The following VWC2 variants were observed in gnomAD, a reference collection of about 807,000 sequenced individuals.
VWC2 encodes the protein von Willebrand factor C domain containing 2.
A neutral mutation model predicts 29.8 loss-of-function variants in VWC2; 14 were observed. That is an observed-to-expected ratio of 0.47 (90% CI 0.31 to 0.74). The LOEUF is 0.74. VWC2 is among the 30% of genes least tolerant of loss of function. The pLI, the probability that VWC2 is intolerant of heterozygous loss-of-function variation, is 0.05. For missense variants in VWC2, 457 were observed against 459.8 expected (o/e 0.99, Z 0.05); for synonymous variants, 213 against 199.0 (o/e 1.07, Z -0.59).
At chr7:49,789,612 T>C (rs1338389936) in intron 2 of VWC2, among the ~76,000 whole-genome samples, 1 of 135,144 alleles carries the variant, frequency 7.4e-6, no homozygotes, top group African/African-American at 2.9e-5. Flanking sequence ...GAAGTAAAAA[T>C]TAAGCTCTCT....
chr7:49,882,613 A>G (rs1476497018), intron 3 of VWC2, among the ~76,000 whole-genome samples: 1 of 152,004 alleles, frequency 6.6e-6, no homozygotes, highest in African/African-American at 2.4e-5. Flanking sequence ...TGAGTACAGA[A>G]AGGAGGCAGG....
intron 2 of VWC2, among the ~76,000 whole-genome samples, chr7:49,792,934 C>T (rs1024909128): frequency 5.3e-5 from 8 of 152,302 alleles, no homozygotes; most frequent in African/African-American, 1.7e-4. Flanking sequence ...AAGTTTCCCA[C>T]GTCTCATGGC....
At chr7:49,864,931 T>C (rs905094367) in intron 3 of VWC2, among the ~76,000 whole-genome samples, 10 of 152,230 alleles carry the variant, frequency 6.6e-5, no homozygotes, top group African/African-American at 2.2e-4. Flanking sequence ...ACGTTTCTAA[T>C]GAAGCTGGTT....
Position 49,918,029 on chromosome 7 carries a change from C to T in VWC2, c.*5844C>T, listed in dbSNP as rs1302393156. On this transcript the variant is annotated 3_prime_UTR_variant, in exon 4 of 4. Transcript: ENST00000340652. ...TATGAAACTATTAATGTTCTTTATA[C>T]TACCAAGTAGTTTCATAGTTTTAAA... The T allele has an allele frequency of 6.6e-6, 1 of 152,138 alleles. No individual in the cohort carries two copies. Among genetic ancestry groups the T allele is most frequent in the African/African-American group, 2.4e-5 (1 of 41,442 alleles). The allele number at this position is 152,138 out of a possible 1,614,324, so 9.4% of individuals were successfully genotyped here.
intron 3 of VWC2, among the ~76,000 whole-genome samples, chr7:49,813,063 G>T (rs1319933424): frequency 1.3e-5 from 2 of 152,194 alleles, no homozygotes; most frequent in East Asian, 1.9e-4. Flanking sequence ...CACATGTCCC[G>T]CTCTCCTGTT....
chr7:49,830,149 T>C (rs1412343459), intron 3 of VWC2, among the ~76,000 whole-genome samples: 1 of 152,200 alleles, frequency 6.6e-6, no homozygotes, highest in Non-Finnish European at 1.5e-5. Context: ...ACTGTTCAGC[T>C]CTTCCCTGTG....
chr7:49,872,197 T>A (rs1253944280), intron 3 of VWC2, among the ~76,000 whole-genome samples: 1 of 152,074 alleles, frequency 6.6e-6, no homozygotes, highest in Non-Finnish European at 1.5e-5. Flanking sequence ...ATTGGTCACA[T>A]TTAAGGAGAG....
chr7:49,773,822 G>A lies in VWC2; in HGVS notation c.-395G>A, dbSNP rs931090423. On this transcript the variant is annotated 5_prime_UTR_variant, in exon 1 of 4. Transcript: ENST00000340652. ...TGGCCCCCGGGGCGCGCTTGGTCTC[G>A]GAGAAGCGGGGACGAGGCCGGAGGA... 3.3e-5 allele frequency: 5 copies of A among 152,400 alleles called. No individual in the cohort carries two copies. Among genetic ancestry groups the A allele is most frequent in the Non-Finnish European group, 5.9e-5 (4 of 68,262 alleles). 9.4% of individuals were successfully genotyped at this position (152,400 alleles called of 1,614,324 possible).
intron 3 of VWC2, among the ~76,000 whole-genome samples, chr7:49,887,473 C>T (rs190622169): frequency 2.6e-4 from 39 of 150,698 alleles, no homozygotes; most frequent in African/African-American, 9.7e-4. Flanking sequence ...GCTTGGATTA[C>T]AATGTTTTTG....
intron 3 of VWC2, among the ~76,000 whole-genome samples, chr7:49,827,253 TG>T (rs1789416083): frequency 1.3e-5 from 2 of 152,098 alleles, no homozygotes; most frequent in African/African-American, 4.8e-5. Flanking sequence ...TTGTCAATTC[TG>T]ACATTTTATA....
intron 3 of VWC2, among the ~76,000 whole-genome samples, chr7:49,894,949 A>T (rs1792311924): frequency 6.6e-6 from 1 of 152,194 alleles, no homozygotes. Flanking sequence ...TTTTTAAGGG[A>T]TGGAAGATGG....
intron 2 of VWC2, among the ~76,000 whole-genome samples, chr7:49,789,311 G>A (rs1295688841): frequency 1.8e-5 from 2 of 108,540 alleles, no homozygotes; most frequent in Admixed American, 1.0e-4. Flanking sequence ...GTGTGTGAGT[G>A]TGGGTGTAGG....
At chr7:49,798,029 A>T (rs879725023) in intron 2 of VWC2, among the ~76,000 whole-genome samples, 1 of 152,260 alleles carries the variant, frequency 6.6e-6, no homozygotes, top group Non-Finnish European at 1.5e-5. Flanking sequence ...TAACTTTAGA[A>T]GAGGAGAAAA....
chr7:49,829,507 T>C (rs1007181424), intron 3 of VWC2, among the ~76,000 whole-genome samples: 9 of 152,226 alleles, frequency 5.9e-5, no homozygotes, highest in African/African-American at 2.2e-4. Context: ...TTCATGCCCT[T>C]CCCCTAATAT....
intron 3 of VWC2, among the ~76,000 whole-genome samples, chr7:49,839,680 G>A (rs1279702516): frequency 6.6e-6 from 1 of 152,160 alleles, no homozygotes; most frequent in East Asian, 1.9e-4. Flanking sequence ...GAAGGCTGAG[G>A]ACTATGTATG....
intron 3 of VWC2, among the ~76,000 whole-genome samples, chr7:49,819,002 C>G (rs1196356704): frequency 6.6e-6 from 1 of 152,054 alleles, no homozygotes; most frequent in African/African-American, 2.4e-5. Context: ...ACACATGTCC[C>G]AAAACCCAAA....
At chr7:49,875,384 A>AAAAAAAAAC (rs1286389599) in intron 3 of VWC2, among the ~76,000 whole-genome samples, 2 of 149,722 alleles carry the variant, frequency 1.3e-5, no homozygotes, top group East Asian at 3.9e-4. Context: ...AAAAAAAAAA[A>AAAAAAAAAC]AAAAAAAAAA....
chr7:49,866,198 C>T (rs1197986962), intron 3 of VWC2, among the ~76,000 whole-genome samples: 1 of 152,168 alleles, frequency 6.6e-6, no homozygotes, highest in Non-Finnish European at 1.5e-5. Context: ...TCTTATCAGA[C>T]CCAGCTGGGA....
At chr7:49,784,002 A>G (rs1460479425) in intron 2 of VWC2, among the ~76,000 whole-genome samples, 1 of 152,258 alleles carries the variant, frequency 6.6e-6, no homozygotes. Context: ...TGCTTTAAAC[A>G]TGAGACCTCT....
Sources: gnomAD v4.1 joint callset for allele counts (sites outside exome capture counted in the v4.1 genomes callset) on GRCh38, gnomAD v4.1.1 for gene constraint, MANE v1.5 for transcripts, NCBI Gene and HGNC (gene_info 2026-07-23, HGNC 2026-07-21) for gene names.